HTR1E: variants seen among roughly 807,000 people sequenced by gnomAD.
HTR1E encodes 5-hydroxytryptamine receptor 1E.
A neutral mutation model predicts 3.4 loss-of-function variants in HTR1E; 3 were observed. The observed-to-expected ratio is 0.89, with a 90% confidence interval of 0.41 to 2.31. HTR1E has a LOEUF of 2.31. Among genes scored for constraint, HTR1E ranks in the 30% most tolerant of loss-of-function variants. The pLI, the probability that HTR1E is intolerant of heterozygous loss-of-function variation, is 0.05. For missense variants in HTR1E, 392 were observed against 467.0 expected, an observed-to-expected ratio of 0.84 and a Z score of 1.48; for synonymous variants, 170 against 182.8, an observed-to-expected ratio of 0.93 and a Z score of 0.56.
chr6:86,957,719 G>A (rs1767345780), intron 1 of HTR1E, among the ~76,000 whole-genome samples: 1 of 152,184 alleles, frequency 6.6e-6, no homozygotes, highest in African/African-American at 2.4e-5. Context: ...TCCCATTGAG[G>A]AAAAGAAAGA....
intron 1 of HTR1E, among the ~76,000 whole-genome samples, chr6:86,999,271 GT>G (rs1205009287): frequency 6.6e-6 from 1 of 151,938 alleles, no homozygotes; most frequent in Non-Finnish European, 1.5e-5. Context: ...CAGTTTTGGG[GT>G]TTTTTTGTTT....
At chr6:86,970,978 T>C (rs1767544029) in intron 1 of HTR1E, 1 of 412,094 alleles carries the variant, frequency 2.4e-6, no homozygotes, top group South Asian at 2.1e-5. Flanking sequence ...CTTTGCTCAA[T>C]CTCTTGGCAA....
chr6:87,014,884 C>A (rs921147608), intron 1 of HTR1E, among the ~76,000 whole-genome samples: 8 of 152,004 alleles, frequency 5.3e-5, no homozygotes, highest in African/African-American at 1.9e-4. Flanking sequence ...AGCAAACCAC[C>A]ATGGCACATG....
At chr6:87,006,925 G>A (rs567325176) in intron 1 of HTR1E, among the ~76,000 whole-genome samples, 19 of 152,272 alleles carry the variant, frequency 1.2e-4, no homozygotes, top group African/African-American at 4.3e-4. Context: ...CCTGCGGGGG[G>A]AGTGGAAGGA....
intron 1 of HTR1E, among the ~76,000 whole-genome samples, chr6:87,003,119 A>G (rs1768048269): frequency 1.3e-5 from 2 of 152,242 alleles, no homozygotes; most frequent in South Asian, 2.1e-4. Context: ...AATGATATCA[A>G]ATATCTTCTC....
chr6:86,988,210 G>A (rs1056986005), intron 1 of HTR1E, among the ~76,000 whole-genome samples: 6 of 152,206 alleles, frequency 3.9e-5, no homozygotes, highest in Non-Finnish European at 8.8e-5. Context: ...TCAAACTTGA[G>A]GTAGGTATGG....
At chr6:86,977,646 C>T (rs543643546) in intron 1 of HTR1E, among the ~76,000 whole-genome samples, 73 of 152,318 alleles carry the variant, frequency 4.8e-4, no homozygotes, top group African/African-American at 1.7e-3. Flanking sequence ...TTCCCACCAA[C>T]AGTGTGTAAG....
chr6:86,985,574 G>A (rs6904502), intron 1 of HTR1E, among the ~76,000 whole-genome samples: 60 of 152,254 alleles, frequency 3.9e-4, no homozygotes, highest in African/African-American at 1.4e-3. Flanking sequence ...GAAGATATGA[G>A]GGAAGGTGTT....
intron 1 of HTR1E, among the ~76,000 whole-genome samples, chr6:86,980,652 C>G (rs1376908452): frequency 5.3e-5 from 8 of 152,138 alleles, no homozygotes; most frequent in Non-Finnish European, 1.2e-4. Flanking sequence ...CGGATATAAA[C>G]AAATACTTAT....
intron 1 of HTR1E, among the ~76,000 whole-genome samples, chr6:86,976,960 A>G (rs888088510): frequency 6.6e-6 from 1 of 152,266 alleles, no homozygotes; most frequent in Non-Finnish European, 1.5e-5. Flanking sequence ...CAGAAAAAGA[A>G]TATCACTTCT....
intron 1 of HTR1E, among the ~76,000 whole-genome samples, chr6:86,938,247 A>G (rs1269759447): frequency 2.0e-5 from 3 of 152,210 alleles, no homozygotes; most frequent in Non-Finnish European, 4.4e-5. Flanking sequence ...TTTCAAAGCC[A>G]GCTGATTAAA....
At chr6:86,992,600 C>A (rs1459335898) in intron 1 of HTR1E, among the ~76,000 whole-genome samples, 1 of 152,138 alleles carries the variant, frequency 6.6e-6, no homozygotes, top group Admixed American at 6.6e-5. Context: ...CTTCAGAGTT[C>A]AATATGTAGA....
At chr6:86,941,346 A>T (rs1376542783) in intron 1 of HTR1E, among the ~76,000 whole-genome samples, 2 of 152,236 alleles carry the variant, frequency 1.3e-5, no homozygotes, top group Non-Finnish European at 2.9e-5. Flanking sequence ...ATACAGATTG[A>T]CTATAATTTT....
At chr6:87,001,936 C>A (rs956795560) in intron 1 of HTR1E, among the ~76,000 whole-genome samples, 4 of 151,962 alleles carry the variant, frequency 2.6e-5, no homozygotes, top group African/African-American at 9.7e-5. Flanking sequence ...ATATTCAATG[C>A]CAATGGAAAC....
chr6:86,947,619 T>C (rs1395470277), intron 1 of HTR1E, among the ~76,000 whole-genome samples: 1 of 152,112 alleles, frequency 6.6e-6, no homozygotes, highest in African/African-American at 2.4e-5. Context: ...TTTCCCTCTC[T>C]ATAGGGAGAA....
intron 1 of HTR1E, among the ~76,000 whole-genome samples, chr6:86,948,782 T>C (rs75339784): frequency 0.016 from 2,493 of 152,164 alleles, 59 homozygotes; most frequent in African/African-American, 0.057. Context: ...AGCAGACCAA[T>C]TGGAATCAAT....
At chr6:87,011,107 T>G (rs1768226444) in intron 1 of HTR1E, among the ~76,000 whole-genome samples, 1 of 152,236 alleles carries the variant, frequency 6.6e-6, no homozygotes, top group South Asian at 2.1e-4. Flanking sequence ...AGCTACTATG[T>G]GACCTCTGAA....
chr6:86,958,338 G>T (rs560053595), intron 1 of HTR1E, among the ~76,000 whole-genome samples: 7 of 152,180 alleles, frequency 4.6e-5, no homozygotes, highest in African/African-American at 1.2e-4. Context: ...TTTAATTTAC[G>T]AGCCCATGGG....
At chr6:86,947,616 C>T (rs1461177459) in intron 1 of HTR1E, among the ~76,000 whole-genome samples, 1 of 151,952 alleles carries the variant, frequency 6.6e-6, no homozygotes, top group Non-Finnish European at 1.5e-5. Flanking sequence ...TGCTTTCCCT[C>T]TCTATAGGGA....
Sources: allele counts gnomAD v4.1 joint callset (sites outside exome capture counted in the v4.1 genomes callset), GRCh38; gene constraint gnomAD v4.1.1; transcripts MANE v1.5; gene names NCBI Gene and HGNC (gene_info 2026-07-23, HGNC 2026-07-21).